The following RALYL variants were observed in gnomAD, a reference collection of about 807,000 sequenced individuals.
The protein encoded by RALYL is RALY RNA binding protein like, also known as RNA-binding Raly-like protein.
RALYL carries 29 observed loss-of-function variants against 35.1 expected under a neutral mutation model. The ratio of observed to expected loss-of-function variants is 0.83; its 90% confidence interval spans 0.61 to 1.13. The LOEUF is 1.13. Ranked by LOEUF, RALYL falls within the 50% of genes most tolerant of loss-of-function variation. RALYL has a pLI of 0.00. For missense variants in RALYL, 359 were observed against 360.4 expected (o/e 1.00, Z 0.03); for synonymous variants, 120 against 127.6 (o/e 0.94, Z 0.40).
intron 4 of RALYL, among the ~76,000 whole-genome samples, chr8:84,806,683 T>G (rs1430138645): frequency 2.0e-5 from 3 of 152,200 alleles, no homozygotes; most frequent in Admixed American, 6.5e-5. Context: ...GCAACCCAAA[T>G]GATTCTGCTG....
intron 7 of RALYL, among the ~76,000 whole-genome samples, chr8:84,884,855 G>C (rs1157558770): frequency 2.6e-5 from 4 of 152,006 alleles, no homozygotes; most frequent in Non-Finnish European, 2.9e-5. Flanking sequence ...GGTCTTGAAA[G>C]CTAGGGCATT....
intron 1 of RALYL, among the ~76,000 whole-genome samples, chr8:84,304,854 GAA>G (rs1443671558): frequency 2.0e-5 from 3 of 152,260 alleles, no homozygotes; most frequent in African/African-American, 7.2e-5. Context: ...ATTGAGATAA[GAA>G]TATTTATTCT....
chr8:84,718,248 A>C (rs1422502924), intron 2 of RALYL, among the ~76,000 whole-genome samples: 2 of 152,186 alleles, frequency 1.3e-5, no homozygotes, highest in Non-Finnish European at 2.9e-5. Flanking sequence ...AAATAAACAT[A>C]AACTGCCAAA....
chr8:84,433,815 G>T (rs1004088541), intron 1 of RALYL, among the ~76,000 whole-genome samples: 3 of 61,494 alleles, frequency 4.9e-5, no homozygotes, highest in Non-Finnish European at 1.2e-4. Flanking sequence ...GTATGTGTGC[G>T]TGTGTGTGTG....
At chr8:84,413,628 A>G (rs761386832) in intron 1 of RALYL, among the ~76,000 whole-genome samples, 2 of 151,980 alleles carry the variant, frequency 1.3e-5, no homozygotes, top group Non-Finnish European at 2.9e-5. Context: ...TAAAGTTGTC[A>G]AAATTAATTT....
At chr8:84,259,947 A>C (rs761236153) in intron 1 of RALYL, among the ~76,000 whole-genome samples, 8 of 152,104 alleles carry the variant, frequency 5.3e-5, no homozygotes, top group Non-Finnish European at 1.2e-4. Context: ...GGGATATCTG[A>C]GTTCACTGTA....
chr8:84,474,683 T>C (rs1392194597), intron 1 of RALYL, among the ~76,000 whole-genome samples: 2 of 152,170 alleles, frequency 1.3e-5, no homozygotes, highest in Non-Finnish European at 2.9e-5. Flanking sequence ...CTCATGACAT[T>C]GTAAAGAGAC....
intron 8 of RALYL, among the ~76,000 whole-genome samples, chr8:84,912,709 T>C (rs1847706130): frequency 6.6e-6 from 1 of 152,074 alleles, no homozygotes; most frequent in African/African-American, 2.4e-5. Context: ...CCCACGTTTT[T>C]AGAGGAAGGT....
At chr8:84,213,613 C>T (rs1308117702) in intron 1 of RALYL, among the ~76,000 whole-genome samples, 1 of 152,080 alleles carries the variant, frequency 6.6e-6, no homozygotes, top group Non-Finnish European at 1.5e-5. Flanking sequence ...ATATGTGTCT[C>T]TTTTTGGTTC....
At chr8:84,333,813 AAATT>A (rs1472490165) in intron 1 of RALYL, among the ~76,000 whole-genome samples, 12 of 152,150 alleles carry the variant, frequency 7.9e-5, no homozygotes, top group Admixed American at 2.6e-4. Context: ...CCTCAATAGT[AAATT>A]AATTAATTTA....
chr8:84,837,504 C>T (rs1832264935), intron 4 of RALYL, among the ~76,000 whole-genome samples: 1 of 151,694 alleles, frequency 6.6e-6, no homozygotes, highest in Non-Finnish European at 1.5e-5. Flanking sequence ...TGGGTATTAG[C>T]CTACTCATAT....
intron 2 of RALYL, among the ~76,000 whole-genome samples, chr8:84,586,497 A>C (rs1812045905): frequency 6.6e-6 from 1 of 152,202 alleles, no homozygotes; most frequent in African/African-American, 2.4e-5. Context: ...ATAAATCAGA[A>C]AGTGTACTTG....
intron 3 of RALYL, among the ~76,000 whole-genome samples, chr8:84,789,510 C>T (rs1820308899): frequency 6.6e-6 from 1 of 151,756 alleles, no homozygotes; most frequent in Non-Finnish European, 1.5e-5. Context: ...TACTCCAACT[C>T]AATATAGCAA....
chr8:84,425,257 C>G (rs1027998571), intron 1 of RALYL, among the ~76,000 whole-genome samples: 2 of 152,132 alleles, frequency 1.3e-5, no homozygotes, highest in African/African-American at 4.8e-5. Flanking sequence ...TCGTGGTGCG[C>G]CGTTTTTTAA....
chr8:84,905,986 T>C (rs970968169), intron 8 of RALYL, among the ~76,000 whole-genome samples: 2 of 152,162 alleles, frequency 1.3e-5, no homozygotes, highest in African/African-American at 4.8e-5. Context: ...AAGCTATTTA[T>C]TTCTTAGAAA....
At chr8:84,618,536 A>G (rs1191791346) in intron 2 of RALYL, among the ~76,000 whole-genome samples, 2 of 128,888 alleles carry the variant, frequency 1.6e-5, no homozygotes, top group African/African-American at 3.0e-5. Context: ...GATCCTTTCA[A>G]AAAACCAGCT....
chr8:84,371,876 T>TA (rs1855800002), intron 1 of RALYL, among the ~76,000 whole-genome samples: 1 of 152,078 alleles, frequency 6.6e-6, no homozygotes, highest in Admixed American at 6.6e-5. Flanking sequence ...TTTCAGGAAA[T>TA]AACACAAACA....
At chr8:84,854,137 G>T (rs1246467350) in intron 5 of RALYL, among the ~76,000 whole-genome samples, 1 of 152,044 alleles carries the variant, frequency 6.6e-6, no homozygotes, top group Non-Finnish European at 1.5e-5. Flanking sequence ...CCTGCAGTGG[G>T]GAGTTTGAGA....
intron 1 of RALYL, among the ~76,000 whole-genome samples, chr8:84,480,725 G>C (rs893193767): frequency 1.3e-5 from 2 of 152,122 alleles, no homozygotes; most frequent in African/African-American, 4.8e-5. Flanking sequence ...GATCCTAGTA[G>C]AAAGTAGAAG....
Sources: allele counts gnomAD v4.1 joint callset (sites outside exome capture counted in the v4.1 genomes callset), GRCh38; gene constraint gnomAD v4.1.1; transcripts MANE v1.5; gene names NCBI Gene and HGNC (gene_info 2026-07-23, HGNC 2026-07-21).